The following DYNC1I1 variants were observed in gnomAD, a reference collection of about 807,000 sequenced individuals.
DYNC1I1 encodes the protein dynein cytoplasmic 1 intermediate chain 1.
Under a neutral mutation model 86.6 loss-of-function variants are expected in DYNC1I1, and 43 were observed. The observed-to-expected ratio is 0.50, with a 90% CI of 0.39 to 0.64. The LOEUF (loss-of-function observed/expected upper bound fraction) is 0.64. Among genes scored for constraint, DYNC1I1 ranks in the 30% least tolerant of loss-of-function variants. DYNC1I1 has a pLI of 0.00. For synonymous variants in DYNC1I1, 262 were observed against 283.7 expected, an observed-to-expected ratio of 0.92 and a Z score of 0.77; for missense variants, 604 against 788.8, an observed-to-expected ratio of 0.77 and a Z score of 2.81.
intron 14 of DYNC1I1, among the ~76,000 whole-genome samples, chr7:96,044,151 G>T (rs1407394937): frequency 1.3e-5 from 2 of 152,164 alleles, no homozygotes; most frequent in African/African-American, 4.8e-5. Context: ...ACTAACATTG[G>T]TCATGATTGC....
chr7:95,889,966 A>G (rs1369595550), intron 6 of DYNC1I1, among the ~76,000 whole-genome samples: 1 of 152,254 alleles, frequency 6.6e-6, no homozygotes, highest in Non-Finnish European at 1.5e-5. Flanking sequence ...AAGGTTGCGG[A>G]TAAAAGAGAA....
chr7:95,918,690 G>A (rs1381155226), intron 6 of DYNC1I1, among the ~76,000 whole-genome samples: 1 of 152,182 alleles, frequency 6.6e-6, no homozygotes, highest in Non-Finnish European at 1.5e-5. Context: ...CTTCCTAGAG[G>A]TGAATGGAAG....
chr7:96,027,215 T>C (rs1360516858), intron 10 of DYNC1I1, among the ~76,000 whole-genome samples: 1 of 152,232 alleles, frequency 6.6e-6, no homozygotes, highest in Admixed American at 6.5e-5. Flanking sequence ...CCATTCCTGG[T>C]ACAGTGCCTT....
At chr7:95,776,615 G>A (rs1193032228) in intron 1 of DYNC1I1, among the ~76,000 whole-genome samples, 1 of 152,220 alleles carries the variant, frequency 6.6e-6, no homozygotes, top group Non-Finnish European at 1.5e-5. Context: ...TCACTCTGCT[G>A]AAATGTATCG....
At chr7:95,832,016 G>T (rs1311474047) in intron 5 of DYNC1I1, among the ~76,000 whole-genome samples, 3 of 149,850 alleles carry the variant, frequency 2.0e-5, no homozygotes, top group South Asian at 2.1e-4. Flanking sequence ...TGTGCACATT[G>T]TGCAGGTTAG....
At chr7:96,099,475 T>C (rs1243872823), downstream of DYNC1I1, among the ~76,000 whole-genome samples, 1 of 152,166 alleles carries the variant, frequency 6.6e-6, no homozygotes, top group Non-Finnish European at 1.5e-5. Context: ...AACAGAATAC[T>C]GTGGTATTCA....
chr7:95,822,368 A>C (rs1439195069), intron 4 of DYNC1I1, among the ~76,000 whole-genome samples: 3 of 152,212 alleles, frequency 2.0e-5, no homozygotes, highest in Non-Finnish European at 4.4e-5. Flanking sequence ...TTTTTTAAAA[A>C]TATTGAAAAA....
chr7:96,059,600 G>T (rs1337233525), intron 14 of DYNC1I1, among the ~76,000 whole-genome samples: 2 of 152,088 alleles, frequency 1.3e-5, no homozygotes, highest in Non-Finnish European at 2.9e-5. Flanking sequence ...AGATAGGAAT[G>T]AATGTTGCAA....
In DYNC1I1 at chr7:95,996,494, G is replaced by A. The variant is rs187346623; in HGVS notation, c.969+421G>A. Among the ~76,000 whole-genome samples the A allele has an allele frequency of 2.9e-4, 44 of 152,306 alleles. No individual in the cohort carries two copies. The East Asian group carries it at 7.3e-3, about 25-fold the overall frequency. ...TTTTGCTGACTTTAAGTTTATGGGCGCCATACTACTTAACAGATAATACTT... is the reference window on the plus strand; with the variant it reads ...TTTTGCTGACTTTAAGTTTATGGGCACCATACTACTTAACAGATAATACTT... On this transcript the variant is annotated intron_variant, in intron 10 of 16. Coordinates refer to ENST00000447467, the MANE Select transcript of DYNC1I1 (RefSeq NM_001135556.2).
chr7:95,780,591 T>C (rs1319036586), intron 1 of DYNC1I1, among the ~76,000 whole-genome samples: 1 of 152,130 alleles, frequency 6.6e-6, no homozygotes, highest in African/African-American at 2.4e-5. Flanking sequence ...CTTTCCCTTT[T>C]AGAATACATG....
intron 14 of DYNC1I1, among the ~76,000 whole-genome samples, chr7:96,060,193 C>A (rs1419342314): frequency 6.6e-6 from 1 of 152,090 alleles, no homozygotes; most frequent in African/African-American, 2.4e-5. Context: ...CCTTCGTGAC[C>A]CTGTGTGGGT....
chr7:95,908,555 T>A (rs1791236876), intron 6 of DYNC1I1, among the ~76,000 whole-genome samples: 1 of 152,198 alleles, frequency 6.6e-6, no homozygotes, highest in Non-Finnish European at 1.5e-5. Context: ...ACTCTTCAAC[T>A]CTGATTTCCT....
intron 6 of DYNC1I1, among the ~76,000 whole-genome samples, chr7:95,924,540 A>G (rs941342030): frequency 2.6e-5 from 4 of 152,172 alleles, no homozygotes; most frequent in African/African-American, 9.6e-5. Context: ...TGTGGCTTGC[A>G]TTGTATGTCC....
chr7:95,870,751 A>T (rs1790141382), intron 6 of DYNC1I1, among the ~76,000 whole-genome samples: 1 of 152,266 alleles, frequency 6.6e-6, no homozygotes. Context: ...AAATACACTC[A>T]TGAGAGAAGT....
intron 14 of DYNC1I1, among the ~76,000 whole-genome samples, chr7:96,061,984 T>G (rs1789794619): frequency 6.6e-6 from 1 of 152,200 alleles, no homozygotes; most frequent in Non-Finnish European, 1.5e-5. Context: ...GTCTTGAGTT[T>G]TAGCCAAAAA....
chr7:95,910,382 C>A, intron 6 of DYNC1I1, among the ~76,000 whole-genome samples: 1 of 152,126 alleles, frequency 6.6e-6, no homozygotes. Context: ...TGTCCAGGAG[C>A]CAGATGTTTT....
At chr7:96,086,100 AGC>A (rs1231189414) in intron 16 of DYNC1I1, among the ~76,000 whole-genome samples, 1 of 152,244 alleles carries the variant, frequency 6.6e-6, no homozygotes, top group Non-Finnish European at 1.5e-5. Flanking sequence ...GATGATTGAT[AGC>A]CAGCCTATCT....
chr7:96,101,015 A>G (rs1179682017), downstream of DYNC1I1, among the ~76,000 whole-genome samples: 2 of 152,256 alleles, frequency 1.3e-5, no homozygotes, highest in South Asian at 2.1e-4. Flanking sequence ...GTCAGGGCTG[A>G]TGGTAGGAGA....
chr7:95,894,889 G>A (rs1431884695), intron 6 of DYNC1I1, among the ~76,000 whole-genome samples: 5 of 152,160 alleles, frequency 3.3e-5, no homozygotes, highest in Admixed American at 1.3e-4. Context: ...AGCCCAATTC[G>A]TTCAACTTTT....
Sources: gnomAD v4.1 joint callset for allele counts (sites outside exome capture counted in the v4.1 genomes callset) on GRCh38, gnomAD v4.1.1 for gene constraint, MANE v1.5 for transcripts, NCBI Gene and HGNC (gene_info 2026-07-23, HGNC 2026-07-21) for gene names.